KCNQ2: variants seen among roughly 807,000 people sequenced by gnomAD.
The protein encoded by KCNQ2 is potassium voltage-gated channel subfamily KQT member 2.
KCNQ2 carries 14 observed loss-of-function variants against 84.8 expected under a neutral mutation model. That is an observed-to-expected ratio of 0.17 (90% CI 0.11 to 0.26). KCNQ2 has a LOEUF of 0.26. KCNQ2 is among the 10% of genes least tolerant of loss of function. The pLI is 1.00. For synonymous variants in KCNQ2, 599 were observed against 554.1 expected, an observed-to-expected ratio of 1.08 and a Z score of -1.14; for missense variants, 788 against 1,254.0, an observed-to-expected ratio of 0.63 and a Z score of 5.61.
In KCNQ2 at chr20:63,445,296, G is replaced by A. The variant is rs2081379319; in HGVS notation, c.456C>T (p.Cys152=). 6.2e-7 allele frequency: 1 copy of A among 1,613,796 alleles called. No homozygotes were observed. Among genetic ancestry groups the A allele is most frequent in the Non-Finnish European group, 8.5e-7 (1 of 1,180,006 alleles). Residue 152 remains cysteine (C), a synonymous_variant, in exon 3 of 17, where the codon TGC becomes TGT. Coordinates refer to ENST00000359125, the MANE Select transcript of KCNQ2 (RefSeq NM_172107.4). ...GCCGCCCCCTCCAGCCACGGTACCG[G>A]CAGCAGCAGCCTGCGGCCCAGATCC... ...FVRIWAAGCC[C]RYRGWRGRLK...
intron 15 of KCNQ2, among the ~76,000 whole-genome samples, chr20:63,410,611 C>A (rs1051301982): frequency 6.6e-6 from 1 of 152,184 alleles, no homozygotes; most frequent in African/African-American, 2.4e-5. Flanking sequence ...CCGTCCGGGG[C>A]TACCCTGGGT....
intron 4 of KCNQ2, among the ~76,000 whole-genome samples, chr20:63,443,442 CCACCACCATCACCAT>C (rs2081316151): frequency 1.5e-5 from 1 of 64,622 alleles, no homozygotes. Context: ...ATCACCATCA[CCACCACCATCACCAT>C]CACCACCATC....
intron 9 of KCNQ2, 76 bp downstream of exon 9, chr20:63,431,264 G>A: frequency 6.4e-7 from 1 of 1,566,928 alleles, no homozygotes; most frequent in Non-Finnish European, 8.8e-7. Flanking sequence ...GGCTCCAGGG[G>A]CTTGCCCGGT....
intron 1 of KCNQ2, among the ~76,000 whole-genome samples, chr20:63,464,446 A>T (rs769972435): frequency 4.6e-5 from 7 of 151,888 alleles, no homozygotes; most frequent in Non-Finnish European, 7.4e-5. Flanking sequence ...CTCTGTGGAG[A>T]GCTCCCGTCG....
intron 15 of KCNQ2, chr20:63,413,205 G>A: frequency 1.8e-6 from 1 of 554,100 alleles, no homozygotes; most frequent in Non-Finnish European, 3.4e-6. Context: ...ACATTTTCAG[G>A]GACCCACACA....
chr20:63,417,906 A>T (rs530987424), intron 12 of KCNQ2, among the ~76,000 whole-genome samples: 1 of 152,338 alleles, frequency 6.6e-6, no homozygotes, highest in Admixed American at 6.5e-5. Flanking sequence ...TGCCCCAGAC[A>T]GAGCCGGCGG....
intron 15 of KCNQ2, among the ~76,000 whole-genome samples, chr20:63,410,591 C>G (rs2080092930): frequency 6.6e-6 from 1 of 152,126 alleles, no homozygotes; most frequent in African/African-American, 2.4e-5. Flanking sequence ...AGCAGGGAAC[C>G]CGGCAAACTC....
At chr20:63,468,017 C>G (rs2082122661) in intron 1 of KCNQ2, among the ~76,000 whole-genome samples, 1 of 152,210 alleles carries the variant, frequency 6.6e-6, no homozygotes. Context: ...AGAATGTGCA[C>G]AGAGATTGAC....
rs991848508 is a variant in KCNQ2, at chr20:63,408,223, G to A, written c.1887+190C>T. ...TGTCAGGAGGGAAGGCACCCAGGCCGGGGGTGGGAGGCTCACGGTGGGGTG... is the reference window on the plus strand; with the variant it reads ...TGTCAGGAGGGAAGGCACCCAGGCCAGGGGTGGGAGGCTCACGGTGGGGTG... On this transcript the variant is annotated intron_variant, in intron 16 of 16. Coordinates refer to ENST00000359125, the MANE Select transcript of KCNQ2 (RefSeq NM_172107.4). This position sits in a 1 kb window ranked among gnomAD's most constrained non-coding sequence, Gnocchi z 5.0. The A allele has an allele frequency of 5.5e-5, 39 of 708,984 alleles. No individual in the cohort carries two copies. Among genetic ancestry groups the A allele is most frequent in the Admixed American group, 3.4e-4 (13 of 38,270 alleles). 43.9% of individuals were successfully genotyped at this position (708,984 alleles called of 1,614,324 possible).
rs770358958 is a variant in KCNQ2, at chr20:63,400,593, T to C, written c.*6051A>G. ...CGTCGGTACTGAAGGCATTATGAAA[T>C]GTTCTTTGGAGCATGAACAAAAGTG... On this transcript the variant is annotated 3_prime_UTR_variant, in exon 17 of 17. Coordinates refer to ENST00000359125, the MANE Select transcript of KCNQ2 (RefSeq NM_172107.4). This position sits in a 1 kb window ranked among gnomAD's most constrained non-coding sequence, Gnocchi z 8.7. 1.6e-4 allele frequency: 64 copies of C among 398,468 alleles called. No individual in the cohort carries two copies. The highest frequency in any genetic ancestry group is 2.5e-4 in the Non-Finnish European group (56 of 226,046). The allele number at this position is 398,468 out of a possible 1,614,324, so 24.7% of individuals were successfully genotyped here. A position where few individuals can be genotyped will look rare whatever the true frequency, so the allele number is the denominator to read the frequency against.
intron 11 of KCNQ2, 115 bp from the exon 12 acceptor site, chr20:63,419,787 G>A: frequency 2.1e-6 from 2 of 948,214 alleles, no homozygotes; most frequent in Admixed American, 2.0e-5. Flanking sequence ...CCCAGCGGCA[G>A]AGCTTGCGCC....
chr20:63,450,862 C>G (rs1312247622), intron 1 of KCNQ2, among the ~76,000 whole-genome samples: 1 of 152,042 alleles, frequency 6.6e-6, no homozygotes, highest in African/African-American at 2.4e-5. Context: ...GAAAACCTGG[C>G]CATGCATGGC....
intron 9 of KCNQ2, among the ~76,000 whole-genome samples, chr20:63,431,075 G>C (rs906693522): frequency 2.0e-5 from 3 of 152,184 alleles, no homozygotes; most frequent in Non-Finnish European, 4.4e-5. Flanking sequence ...CAGCGGCTGG[G>C]GGGAGGCAGG....
chr20:63,422,886 C>T (rs1044552182), intron 11 of KCNQ2, among the ~76,000 whole-genome samples: 4 of 152,164 alleles, frequency 2.6e-5, no homozygotes, highest in Admixed American at 6.5e-5. Context: ...CCCTGCCACG[C>T]GGAAGCCGTC....
At chr20:63,458,628 G>A (rs2081868683) in intron 1 of KCNQ2, among the ~76,000 whole-genome samples, 1 of 152,200 alleles carries the variant, frequency 6.6e-6, no homozygotes, top group African/African-American at 2.4e-5. Flanking sequence ...TCCCCCCAGA[G>A]CAGCGGTCTG....
At chr20:63,449,535 T>A (rs984062050) in intron 1 of KCNQ2, among the ~76,000 whole-genome samples, 1 of 152,206 alleles carries the variant, frequency 6.6e-6, no homozygotes, top group Admixed American at 6.5e-5. Context: ...CTGGAGGGTC[T>A]GGAGGGTTTG....
rs1257696908 is a variant in KCNQ2 at position 63,400,505 on chromosome 20, A to G, written c.*6139T>C. 2.5e-6 allele frequency: 1 copy of G among 397,580 alleles called. No homozygotes were observed. The highest frequency in any genetic ancestry group is 4.4e-6 in the Non-Finnish European group (1 of 225,898). The allele number at this position is 397,580 out of a possible 1,614,324, so 24.6% of individuals were successfully genotyped here. A position where few individuals can be genotyped will look rare whatever the true frequency, so the allele number is the denominator to read the frequency against. On this transcript the variant is annotated 3_prime_UTR_variant, in exon 17 of 17. Coordinates refer to ENST00000359125, the MANE Select transcript of KCNQ2 (RefSeq NM_172107.4). This position sits in a 1 kb window ranked among gnomAD's most constrained non-coding sequence, Gnocchi z 8.7. ...GAGATTGAAGTGTGCGGGGTAACAC[A>G]TCCACCAAAAAAAGGCCTGGTCACT... is the stretch of plus-strand genomic sequence containing the variant.
intron 15 of KCNQ2, chr20:63,411,824 T>C (rs1260686204): frequency 1.5e-6 from 1 of 686,914 alleles, no homozygotes; most frequent in African/African-American, 1.8e-5. Context: ...GGTCCTTTGG[T>C]GGGGTACTTC....
chr20:63,417,853 C>T (rs1446198036), intron 12 of KCNQ2, among the ~76,000 whole-genome samples: 2 of 152,302 alleles, frequency 1.3e-5, no homozygotes, highest in East Asian at 3.9e-4. Flanking sequence ...GACCCGATGC[C>T]CAGCACAGCC....
Sources: gnomAD v4.1 joint callset for allele counts (sites outside exome capture counted in the v4.1 genomes callset) on GRCh38, gnomAD v4.1.1 for gene constraint, Gnocchi (gnomAD v3.1) non-coding constraint, MANE v1.5 for transcripts, NCBI Gene and HGNC (gene_info 2026-07-23, HGNC 2026-07-21) for gene names.